The following BARD1 variants were observed in gnomAD, a reference collection of about 807,000 sequenced individuals.
The protein encoded by BARD1 is BRCA1 associated RING domain 1.
Under a neutral mutation model 77.0 loss-of-function variants are expected in BARD1, and 73 were observed. The ratio of observed to expected loss-of-function variants is 0.95; its 90% CI spans 0.79 to 1.15. The LOEUF (loss-of-function observed/expected upper bound fraction) is 1.15. Ranked by LOEUF, BARD1 falls within the 50% of genes most tolerant of loss-of-function variation. The pLI, the probability that BARD1 is intolerant of heterozygous loss-of-function variation, is 0.00. For synonymous variants in BARD1, 384 were observed against 338.0 expected, an observed-to-expected ratio of 1.14 and a Z score of -1.49; for missense variants, 993 against 938.8, an observed-to-expected ratio of 1.06 and a Z score of -0.75.
intron 9 of BARD1, among the ~76,000 whole-genome samples, chr2:214,737,506 T>C (rs1176020248): frequency 6.6e-6 from 1 of 152,136 alleles, no homozygotes; most frequent in Non-Finnish European, 1.5e-5. Context: ...CTGTCTAACT[T>C]GTTATCTGAA....
chr2:214,809,265 T>C (rs759220421), intron 1 of BARD1, 147 bp downstream of exon 1: 22 of 1,107,172 alleles, frequency 2.0e-5, no homozygotes, highest in Non-Finnish European at 2.7e-5. Context: ...GTTAATACTA[T>C]ATCCCCCGGC....
intron 6 of BARD1, among the ~76,000 whole-genome samples, chr2:214,758,844 C>T (rs1693820561): frequency 6.6e-6 from 1 of 152,166 alleles, no homozygotes; most frequent in Admixed American, 6.5e-5. Flanking sequence ...GAATTCATTA[C>T]ACCACTAATA....
intron 2 of BARD1, chr2:214,796,761 G>T (rs1296568549): frequency 1.8e-5 from 6 of 337,912 alleles, no homozygotes; most frequent in Non-Finnish European, 3.3e-5. Context: ...AAATTTAACT[G>T]GAAAATTTAA....
chr2:214,807,469 A>G (rs1320955670), intron 1 of BARD1, among the ~76,000 whole-genome samples: 2 of 152,212 alleles, frequency 1.3e-5, no homozygotes, highest in African/African-American at 4.8e-5. Flanking sequence ...AGCAAACACC[A>G]CATTCTTTTA....
intron 1 of BARD1, among the ~76,000 whole-genome samples, chr2:214,799,904 C>A (rs979430585): frequency 6.6e-6 from 1 of 152,196 alleles, no homozygotes; most frequent in Non-Finnish European, 1.5e-5. Flanking sequence ...TCTGACCACT[C>A]TGGGAAACAG....
At chr2:214,734,315 T>C (rs1692478098) in intron 9 of BARD1, among the ~76,000 whole-genome samples, 1 of 152,078 alleles carries the variant, frequency 6.6e-6, no homozygotes, top group African/African-American at 2.4e-5. Flanking sequence ...GAAATCACAA[T>C]ATTAAATATG....
intron 2 of BARD1, among the ~76,000 whole-genome samples, chr2:214,796,639 A>G (rs1046623675): frequency 2.0e-5 from 3 of 152,200 alleles, no homozygotes; most frequent in African/African-American, 7.2e-5. Context: ...GAGAGACAAT[A>G]CATTTCTGTT....
chr2:214,775,797 C>A (rs1489867410), intron 4 of BARD1, among the ~76,000 whole-genome samples: 3 of 152,138 alleles, frequency 2.0e-5, no homozygotes, highest in Admixed American at 6.5e-5. Flanking sequence ...TGGTGAGTGA[C>A]AGAGGAGAAA....
At chr2:214,749,881 T>C (rs187246259) in intron 7 of BARD1, among the ~76,000 whole-genome samples, 39 of 152,218 alleles carry the variant, frequency 2.6e-4, no homozygotes, top group African/African-American at 8.4e-4. Flanking sequence ...AACTGCTGAT[T>C]TCTAGCTTCT....
At chr2:214,753,198 TAAG>T (rs1693538961) in intron 6 of BARD1, among the ~76,000 whole-genome samples, 1 of 152,004 alleles carries the variant, frequency 6.6e-6, no homozygotes, top group South Asian at 2.1e-4. Flanking sequence ...CTGTTCAAGA[TAAG>T]AAAAAAAAGA....
At chr2:214,735,092 G>T (rs1403528849) in intron 9 of BARD1, among the ~76,000 whole-genome samples, 1 of 151,990 alleles carries the variant, frequency 6.6e-6, no homozygotes, top group South Asian at 2.1e-4. Context: ...GTATACTGTT[G>T]ACTCATTAAG....
chr2:214,781,102 TTTCACC>T lies in BARD1; in HGVS notation c.766_771del (p.Gly256_Glu257del). ...AAGGAGCCACTTGCTAGTAAGTCTA[TTTCACC>T]ATTTATCTGAGGACTGGAGATAACA... On this transcript the variant is annotated inframe_deletion, in exon 4 of 11. Coordinates refer to ENST00000260947, the MANE Select transcript of BARD1 (RefSeq NM_000465.4). 6.3e-7 allele frequency: 1 copy of T among 1,585,084 alleles called. No homozygotes were observed. The highest frequency in any genetic ancestry group is 8.6e-7 in the Non-Finnish European group (1 of 1,168,296).
At chr2:214,785,833 G>A (rs1695248212) in intron 3 of BARD1, among the ~76,000 whole-genome samples, 1 of 151,928 alleles carries the variant, frequency 6.6e-6, no homozygotes, top group Admixed American at 6.6e-5. Context: ...CATGCTGCCT[G>A]ACAAACATTC....
chr2:214,746,466 A>T (rs972083974), intron 7 of BARD1, among the ~76,000 whole-genome samples: 1 of 152,200 alleles, frequency 6.6e-6, no homozygotes, highest in Non-Finnish European at 1.5e-5. Context: ...AACAAAGACT[A>T]ATAGTTTCAC....
At chr2:214,757,107 C>T (rs555227854) in intron 6 of BARD1, among the ~76,000 whole-genome samples, 1 of 152,250 alleles carries the variant, frequency 6.6e-6, no homozygotes, top group South Asian at 2.1e-4. Context: ...TTTCCTGAGG[C>T]CCTTCCTGTA....
At chr2:214,806,820 G>A (rs997600956) in intron 1 of BARD1, among the ~76,000 whole-genome samples, 1 of 146,316 alleles carries the variant, frequency 6.8e-6, no homozygotes, top group African/African-American at 2.5e-5. Context: ...GTTGCAGTGA[G>A]CTGAAATCAT....
At chr2:214,747,759 T>C (rs1304882759) in intron 7 of BARD1, among the ~76,000 whole-genome samples, 1 of 148,094 alleles carries the variant, frequency 6.8e-6, no homozygotes. Context: ...TAATGCTAAA[T>C]GACGAGTTAA....
intron 8 of BARD1, among the ~76,000 whole-genome samples, 175 bp downstream of exon 8, chr2:214,745,547 T>C (rs1346125585): frequency 1.3e-5 from 2 of 152,192 alleles, no homozygotes; most frequent in African/African-American, 2.4e-5. Flanking sequence ...CCTAACTACG[T>C]TGTTGTCTAT....
rs184349594 is a variant in BARD1 at position 214,767,766 on chromosome 2, T to C, written c.1396-112A>G. 279 of 988,350 alleles carry C rather than the reference T, an allele frequency of 2.8e-4. 1 individual carries two copies. The highest frequency in any genetic ancestry group is 3.2e-5 in the African/African-American group (2 of 61,762). The allele number at this position is 988,350 out of a possible 1,614,324, so 61.2% of individuals were successfully genotyped here. On this transcript the variant is annotated intron_variant, in intron 5 of 10. Coordinates refer to ENST00000260947, the MANE Select transcript of BARD1 (RefSeq NM_000465.4). ...ATGTAAACGTCAGGCAGTAAATTTA[T>C]TGTTACCTAAATACTCAAAAACACT... is the stretch of plus-strand genomic sequence containing the variant.
Sources: allele counts gnomAD v4.1 joint callset (sites outside exome capture counted in the v4.1 genomes callset), GRCh38; gene constraint gnomAD v4.1.1; transcripts MANE v1.5; gene names NCBI Gene and HGNC (gene_info 2026-07-23, HGNC 2026-07-21).